The following MBTPS1 variants were observed in gnomAD, a reference collection of about 807,000 sequenced individuals.
MBTPS1 encodes the protein membrane-bound transcription factor site-1 protease.
In MBTPS1, 94 loss-of-function variants were observed where a neutral mutation model predicts 127.8. That is an observed-to-expected ratio of 0.74 (90% CI 0.62 to 0.87). The LOEUF is 0.87. Ranked by LOEUF, MBTPS1 falls within the 40% of genes least tolerant of loss-of-function variation. The pLI, the probability that MBTPS1 is intolerant of heterozygous loss-of-function variation, is 0.00. For missense variants in MBTPS1, 1,636 were observed against 1,353.2 expected, an observed-to-expected ratio of 1.21 and a Z score of -3.28; for synonymous variants, 632 against 509.4, an observed-to-expected ratio of 1.24 and a Z score of -3.24.
intron 7 of MBTPS1, 83 bp downstream of exon 7, chr16:84,091,649 C>G: frequency 1.1e-6 from 1 of 903,228 alleles, no homozygotes; most frequent in Non-Finnish European, 1.9e-6. Context: ...GAAAAGCCAC[C>G]AACACACTAG....
In MBTPS1 at chr16:84,059,303, T is replaced by C. The variant is rs1466437664; in HGVS notation, c.2830A>G (p.Ser944Gly). 4 of 1,613,100 alleles carry C rather than the reference T, an allele frequency of 2.5e-6. No individual in the cohort carries two copies. Among genetic ancestry groups the C allele is most frequent in the Non-Finnish European group, 3.4e-6 (4 of 1,179,350 alleles). The change falls in exon 21 of 23, where the codon AGT (serine) becomes GGT (glycine). Residue 944 changes from serine to glycine, a missense_variant and splice_region_variant. Coordinates refer to ENST00000343411, the MANE Select transcript of MBTPS1 (RefSeq NM_003791.4). The stretch of plus-strand genomic sequence containing the variant: ...GGAAGGGCACAGGCGGACACTAACC[T>C]GGGCGCCGTCTCGTTTAAAGGCTGT... ...KPQPLNETAPSNLWKHQKLLS... is the reference protein window; with the variant it reads ...KPQPLNETAPGNLWKHQKLLS...
intron 14 of MBTPS1, among the ~76,000 whole-genome samples, chr16:84,068,914 C>T (rs2085729965): frequency 6.6e-6 from 1 of 152,178 alleles, no homozygotes; most frequent in Non-Finnish European, 1.5e-5. Flanking sequence ...CATCCCCGTC[C>T]CTCCCAAATG....
intron 9 of MBTPS1, 98 bp from the exon 10 acceptor site, chr16:84,085,232 T>C: frequency 1.7e-6 from 2 of 1,208,838 alleles, no homozygotes; most frequent in East Asian, 2.5e-5. Context: ...TATGGGTTAG[T>C]TAAAAACTGT....
intron 18 of MBTPS1, 57 bp downstream of exon 18, chr16:84,065,633 G>C (rs1278793432): frequency 9.1e-7 from 1 of 1,103,166 alleles, no homozygotes; most frequent in African/African-American, 1.5e-5. Context: ...GAGAGAAGCG[G>C]GGGAAAAGGG....
chr16:84,074,921 T>C, intron 11 of MBTPS1, 180 bp from the exon 12 acceptor site: 1 of 506,054 alleles, frequency 2.0e-6, no homozygotes, highest in Admixed American at 3.6e-5. Flanking sequence ...ATAAGGCCTC[T>C]GTGCCAGCCT....
intron 8 of MBTPS1, among the ~76,000 whole-genome samples, chr16:84,088,862 C>T (rs569812070): frequency 8.8e-4 from 134 of 152,348 alleles, no homozygotes; most frequent in Non-Finnish European, 1.6e-3. Context: ...TCACATGCCA[C>T]GTTCTGTCAC....
In MBTPS1 at chr16:84,059,327, G is replaced by T. The variant is rs1200302139; in HGVS notation, c.2806C>A (p.Gln936Lys). ...ACPRLSWAKP[Q>K]PLNETAPSNL... ...CTGGGCGCCGTCTCGTTTAAAGGCT[G>T]TGGCTTGGCCCAAGACAAGCGTGGA... is the stretch of plus-strand genomic sequence containing the variant. The change falls in exon 21 of 23, where the codon CAG (glutamine) becomes AAG (lysine). Residue 936 changes from glutamine (Q) to lysine (K), a missense_variant. Gln to Lys is a moderately conservative substitution (Grantham distance 53). Coordinates refer to ENST00000343411, the MANE Select transcript of MBTPS1 (RefSeq NM_003791.4). 1 of 1,614,054 alleles carries T rather than the reference G, an allele frequency of 6.2e-7. No individual in the cohort carries two copies. Among genetic ancestry groups the T allele is most frequent in the Admixed American group, 1.7e-5 (1 of 60,024 alleles).
chr16:84,114,850 G>A (rs944174395), intron 1 of MBTPS1, among the ~76,000 whole-genome samples: 34 of 143,650 alleles, frequency 2.4e-4, no homozygotes, highest in African/African-American at 8.6e-4. Flanking sequence ...AATAAATAAA[G>A]CGTTTCCTCA....
intron 20 of MBTPS1, 168 bp downstream of exon 20, chr16:84,060,514 G>C (rs367984582): frequency 4.5e-5 from 31 of 684,456 alleles, no homozygotes; most frequent in East Asian, 4.2e-4. Context: ...ATGGCCTCTC[G>C]GCAGGTTAGA....
chr16:84,059,537 A>G, intron 20 of MBTPS1, 109 bp from the exon 21 acceptor site: 1 of 1,038,022 alleles, frequency 9.6e-7, no homozygotes, highest in Non-Finnish European at 1.4e-6. Context: ...ACAACACAGC[A>G]CAGAGCCCCT....
chr16:84,068,543 AC>A, intron 14 of MBTPS1, 89 bp from the exon 15 acceptor site: 1 of 881,032 alleles, frequency 1.1e-6, no homozygotes, highest in South Asian at 1.5e-5. Flanking sequence ...CTGCAAGAGC[AC>A]CATGCCATGG....
rs758482781 is a variant in MBTPS1, at chr16:84,093,779, T to C, written c.668A>G (p.Glu223Gly). The change falls in exon 5 of 23, where the codon GAG (glutamate) becomes GGG (glycine). Residue 223 changes from glutamate (E) to glycine (G), a missense_variant. Physicochemically the swap from Glu to Gly is moderately conservative, Grantham distance 98. Transcript: ENST00000343411. Reference sequence around the variant, plus strand: ...CACATTTTTGAAGTGGGGATGCTTCTCGCTCAGCCCAGTGTCAAAAACAGC... The same window carrying C: ...CACATTTTTGAAGTGGGGATGCTTCCCGCTCAGCCCAGTGTCAAAAACAGC... Reference protein sequence around the residue: ...RVAVFDTGLSEKHPHFKNVKE... With the variant: ...RVAVFDTGLSGKHPHFKNVKE... The C allele has an allele frequency of 6.2e-7, 1 of 1,614,044 alleles. No homozygotes were observed. Among genetic ancestry groups the C allele is most frequent in the East Asian group, 2.2e-5 (1 of 44,902 alleles).
chr16:84,057,803 A>G (rs984369395), intron 21 of MBTPS1: 3 of 152,402 alleles, frequency 2.0e-5, no homozygotes, highest in Middle Eastern at 3.4e-3. Context: ...ATCAAATTCC[A>G]GGAGCTGTCC....
At chr16:84,100,260 G>A (rs1036796575) in intron 2 of MBTPS1, among the ~76,000 whole-genome samples, 3 of 152,142 alleles carry the variant, frequency 2.0e-5, no homozygotes, top group African/African-American at 7.2e-5. Flanking sequence ...AATTAGCTGG[G>A]CAGGCCGGGC....
intron 1 of MBTPS1, among the ~76,000 whole-genome samples, chr16:84,107,142 T>C (rs933549634): frequency 2.6e-5 from 4 of 152,020 alleles, no homozygotes; most frequent in African/African-American, 9.7e-5. Context: ...CACAGGAAAG[T>C]CAGAAGGAAA....
At position 84,107,740 on chromosome 16, in the gene MBTPS1, G is replaced by C. The variant is rs560404295; in HGVS notation, c.-324-5633C>G. The stretch of plus-strand genomic sequence containing the variant: ...TTTTTTTTGAGACAGGGTCCCGCTT[G>C]GTCACCCAGGGTGGAGGACAGTGGC... On this transcript the variant is annotated intron_variant, in intron 1 of 22. Coordinates refer to ENST00000343411, the MANE Select transcript of MBTPS1 (RefSeq NM_003791.4). Among the ~76,000 whole-genome samples the C allele has an allele frequency of 3.4e-5, 5 of 148,330 alleles. No homozygotes were observed. The South Asian group carries it at 1.1e-3, about 32-fold the overall frequency.
chr16:84,079,093 A>G (rs2085901157), intron 11 of MBTPS1, among the ~76,000 whole-genome samples: 1 of 152,158 alleles, frequency 6.6e-6, no homozygotes, highest in African/African-American at 2.4e-5. Context: ...CTCAGGCAAG[A>G]TCTGGGTGTT....
intron 1 of MBTPS1, among the ~76,000 whole-genome samples, chr16:84,107,310 C>G (rs2151172416): frequency 6.6e-6 from 1 of 152,304 alleles, no homozygotes; most frequent in Middle Eastern, 3.4e-3. Flanking sequence ...TCAACTCCAG[C>G]CCACCTGCTC....
At chr16:84,055,894 C>T in intron 22 of MBTPS1, 111 bp downstream of exon 22, 1 of 1,262,050 alleles carries the variant, frequency 7.9e-7, no homozygotes. Context: ...CCACAGCTCC[C>T]AGGAAGGCAG....
Sources: gnomAD v4.1 joint callset for allele counts (sites outside exome capture counted in the v4.1 genomes callset) on GRCh38, gnomAD v4.1.1 for gene constraint, MANE v1.5 for transcripts, NCBI Gene and HGNC (gene_info 2026-07-23, HGNC 2026-07-21) for gene names.